SFMBT2: variants seen among roughly 807,000 people sequenced by gnomAD.
The protein encoded by SFMBT2 is Scm like with four mbt domains 2.
In SFMBT2, 38 loss-of-function variants were observed where a neutral mutation model predicts 110.1. The observed-to-expected ratio is 0.35, with a 90% CI of 0.27 to 0.45. SFMBT2 has a LOEUF of 0.45. SFMBT2 is among the 20% of genes least tolerant of loss of function. The probability of loss-of-function intolerance (pLI) is 1.00; values close to 1 mark genes in which losing one functional copy is unlikely to be tolerated. For missense variants in SFMBT2, 1,011 were observed against 1,094.9 expected, an observed-to-expected ratio of 0.92 and a Z score of 1.08; for synonymous variants, 425 against 425.4, an observed-to-expected ratio of 1.00 and a Z score of 0.01.
At chr10:7,168,572 G>T (rs181648612) in intron 20 of SFMBT2, among the ~76,000 whole-genome samples, 2 of 152,186 alleles carry the variant, frequency 1.3e-5, no homozygotes, top group Non-Finnish European at 2.9e-5. Context: ...CGTGATCAGC[G>T]CAACCAAACA....
intron 4 of SFMBT2, among the ~76,000 whole-genome samples, chr10:7,287,684 G>A (rs1246399268): frequency 1.3e-5 from 2 of 152,182 alleles, no homozygotes; most frequent in Non-Finnish European, 2.9e-5. Context: ...CCCCATTTAA[G>A]GTCCAAGACC....
intron 11 of SFMBT2, among the ~76,000 whole-genome samples, chr10:7,212,555 CTAA>C (rs1328984966): frequency 1.3e-5 from 2 of 152,188 alleles, no homozygotes; most frequent in Admixed American, 1.3e-4. Flanking sequence ...AAAGTGCTGC[CTAA>C]TAATACTATC....
intron 20 of SFMBT2, among the ~76,000 whole-genome samples, chr10:7,168,909 G>GT (rs1046019347): frequency 8.5e-5 from 13 of 152,186 alleles, no homozygotes; most frequent in Non-Finnish European, 1.6e-4. Flanking sequence ...GGTGGCCAGT[G>GT]TGAGAAGGTG....
chr10:7,304,528 G>A (rs977233751), intron 4 of SFMBT2, among the ~76,000 whole-genome samples: 46 of 152,080 alleles, frequency 3.0e-4, no homozygotes, highest in African/African-American at 1.1e-3. Flanking sequence ...CTTAACAAAC[G>A]GGTTATGTTC....
chr10:7,250,016 C>T (rs1019764473), intron 7 of SFMBT2, among the ~76,000 whole-genome samples: 10 of 152,160 alleles, frequency 6.6e-5, no homozygotes, highest in Non-Finnish European at 1.3e-4. Context: ...TAAGAACTTA[C>T]AATCCACACT....
chr10:7,195,019 A>G (rs2131589929), intron 15 of SFMBT2, among the ~76,000 whole-genome samples: 1 of 152,382 alleles, frequency 6.6e-6, no homozygotes, highest in South Asian at 2.1e-4. Flanking sequence ...GCTTGCAGGC[A>G]GCTTCGAAGA....
chr10:7,164,036 G>A, intron 20 of SFMBT2, 126 bp from the exon 21 acceptor site: 3 of 1,397,036 alleles, frequency 2.1e-6, no homozygotes, highest in East Asian at 2.7e-5. Flanking sequence ...TCAATTCAGG[G>A]GATTGTTGGT....
intron 10 of SFMBT2, among the ~76,000 whole-genome samples, chr10:7,221,893 C>G (rs996353298): frequency 3.9e-5 from 6 of 152,144 alleles, no homozygotes; most frequent in Non-Finnish European, 7.4e-5. Flanking sequence ...CCTTCACCCC[C>G]AAAATACCCT....
chr10:7,303,378 A>T (rs1315142639), intron 4 of SFMBT2, among the ~76,000 whole-genome samples: 1 of 152,226 alleles, frequency 6.6e-6, no homozygotes. Flanking sequence ...TAATTCATCA[A>T]TTTATGTAGA....
At position 7,226,088 on chromosome 10, in the gene SFMBT2, G is replaced by A. The variant is rs549856048; in HGVS notation, c.1203+1767C>T. Among the ~76,000 whole-genome samples, 4 of 152,316 alleles carry A rather than the reference G, an allele frequency of 2.6e-5. No homozygotes were observed. In the South Asian group the frequency reaches 6.2e-4, roughly 24 times the overall value. On this transcript the variant is annotated intron_variant, in intron 10 of 20. Transcript: ENST00000397167. ...AGAGAAACCGCTCTTGTGCAAAGGC[G>A]ACATCATTCGGTGGCAATCCTGCGG...
At chr10:7,368,518 G>A (rs889947082) in intron 3 of SFMBT2, 3 of 214,532 alleles carry the variant, frequency 1.4e-5, no homozygotes, top group Non-Finnish European at 2.4e-5. Context: ...TGGGTCTGAG[G>A]CTACTTTTCC....
Position 7,186,425 on chromosome 10 carries a change from T to TACACATAC in SFMBT2, c.1808+2198_1808+2199insGTATGTGT, listed in dbSNP as rs1554782947. Among the ~76,000 whole-genome samples, 874 of 109,300 alleles carry TACACATAC rather than the reference T, an allele frequency of 8.0e-3. 12 individuals carry two copies. The highest frequency in any genetic ancestry group is 0.018 in the African/African-American group (485 of 27,500). The allele number at this position is 109,300 out of a possible 152,430, so 71.7% of individuals were successfully genotyped here. A position where few individuals can be genotyped will look rare whatever the true frequency, so the allele number is the denominator to read the frequency against. ...TATACACATACATACATACTATATA[T>TACACATAC]ACACACACACACACACACACACACA... On this transcript the variant is annotated intron_variant, in intron 16 of 20. Transcript: ENST00000397167.
intron 1 of SFMBT2, among the ~76,000 whole-genome samples, chr10:7,394,398 C>T (rs116393864): frequency 9.2e-4 from 139 of 151,856 alleles, no homozygotes; most frequent in African/African-American, 2.9e-3. Context: ...ACCACTTTTG[C>T]TCTCTCAGCC....
chr10:7,211,542 AG>A (rs1839348689), intron 11 of SFMBT2, among the ~76,000 whole-genome samples: 1 of 152,186 alleles, frequency 6.6e-6, no homozygotes, highest in Non-Finnish European at 1.5e-5. Context: ...AAAACCTAAC[AG>A]AGCAGCAGCC....
chr10:7,187,914 A>G (rs1339740748), intron 16 of SFMBT2, among the ~76,000 whole-genome samples: 1 of 152,224 alleles, frequency 6.6e-6, no homozygotes. Flanking sequence ...TGAAACCCAT[A>G]GATGAATATT....
chr10:7,366,824 G>A (rs1844920778), intron 4 of SFMBT2, among the ~76,000 whole-genome samples: 1 of 152,156 alleles, frequency 6.6e-6, no homozygotes, highest in African/African-American at 2.4e-5. Context: ...TTGGTTATGG[G>A]GCTGTCCTGT....
In SFMBT2 at chr10:7,170,671, A is replaced by G. The variant is rs1017816668; in HGVS notation, c.2544+257T>C. 2.0e-5 allele frequency among the ~76,000 whole-genome samples: 3 copies of G among 151,868 alleles called. No homozygotes were observed. Among genetic ancestry groups the G allele is most frequent in the Admixed American group, 1.3e-4 (2 of 15,258 alleles). Reference sequence around the variant, plus strand: ...CACCCCTGCTGGGTGGTGTCACTAGAGCCTGGAAGAGTCACCCCTCCGCCC... The same window carrying G: ...CACCCCTGCTGGGTGGTGTCACTAGGGCCTGGAAGAGTCACCCCTCCGCCC... On this transcript the variant is annotated intron_variant, in intron 20 of 20. Transcript: ENST00000397167. This position sits in a 1 kb window ranked among gnomAD's most constrained non-coding sequence, Gnocchi z 4.6.
chr10:7,401,599 C>G (rs1329784251), intron 1 of SFMBT2, among the ~76,000 whole-genome samples: 2 of 152,180 alleles, frequency 1.3e-5, no homozygotes, highest in East Asian at 3.8e-4. Flanking sequence ...CTGATGTCCT[C>G]ACGCCTATTC....
At chr10:7,294,528 A>G (rs1842350275) in intron 4 of SFMBT2, among the ~76,000 whole-genome samples, 1 of 152,242 alleles carries the variant, frequency 6.6e-6, no homozygotes, top group African/African-American at 2.4e-5. Context: ...AATGCTGCTG[A>G]TAGGACAAGT....
Sources: gnomAD v4.1 joint callset for allele counts (sites outside exome capture counted in the v4.1 genomes callset) on GRCh38, gnomAD v4.1.1 for gene constraint, Gnocchi (gnomAD v3.1) non-coding constraint, MANE v1.5 for transcripts, NCBI Gene and HGNC (gene_info 2026-07-23, HGNC 2026-07-21) for gene names.